Variants in TMTC1 observed in about 807,000 individuals in gnomAD.
TMTC1 encodes the protein transmembrane O-mannosyltransferase targeting cadherins 1, also known as protein O-mannosyl-transferase TMTC1.
A neutral mutation model predicts 104.8 loss-of-function variants in TMTC1; 73 were observed. The ratio of observed to expected loss-of-function variants is 0.70; its 90% CI spans 0.58 to 0.85. The LOEUF is 0.85. Ranked by LOEUF, TMTC1 falls within the 40% of genes least tolerant of loss-of-function variation. The pLI is 0.00. For missense variants in TMTC1, 1,035 were observed against 1,096.1 expected (o/e 0.94, Z 0.79); for synonymous variants, 434 against 428.7 (o/e 1.01, Z -0.15).
chr12:29,532,035 A>G (rs1490230057), intron 11 of TMTC1, among the ~76,000 whole-genome samples: 2 of 152,102 alleles, frequency 1.3e-5, no homozygotes, highest in African/African-American at 4.8e-5. Context: ...TGTACCATAT[A>G]TTTTTATGTA....
intron 5 of TMTC1, among the ~76,000 whole-genome samples, chr12:29,633,829 C>T (rs935058425): frequency 6.6e-6 from 1 of 152,182 alleles, no homozygotes; most frequent in African/African-American, 2.4e-5. Context: ...TCCTTGCTGA[C>T]AAGGACAGCC....
chr12:29,545,155 T>C (rs928371348), intron 10 of TMTC1, among the ~76,000 whole-genome samples: 1 of 152,150 alleles, frequency 6.6e-6, no homozygotes, highest in African/African-American at 2.4e-5. Context: ...GTTTTTTTTT[T>C]TCAGCAGAGG....
intron 9 of TMTC1, among the ~76,000 whole-genome samples, chr12:29,570,958 A>G (rs1945660308): frequency 6.6e-6 from 1 of 151,538 alleles, no homozygotes; most frequent in African/African-American, 2.4e-5. Context: ...ATATTAAGTA[A>G]CAGGTCCTAA....
At chr12:29,682,220 T>C (rs1006560897) in intron 5 of TMTC1, among the ~76,000 whole-genome samples, 13 of 152,140 alleles carry the variant, frequency 8.5e-5, no homozygotes, top group African/African-American at 2.2e-4. Flanking sequence ...AACCACCTAC[T>C]AGAACAGCTA....
At chr12:29,522,575 T>TGTGTGG (rs1555164140) in intron 11 of TMTC1, among the ~76,000 whole-genome samples, 4 of 151,574 alleles carry the variant, frequency 2.6e-5, no homozygotes, top group African/African-American at 9.7e-5. Flanking sequence ...TGTGTGTGTG[T>TGTGTGG]GTGTGTGTGT....
At chr12:29,639,152 T>A (rs558215847) in intron 5 of TMTC1, among the ~76,000 whole-genome samples, 1 of 152,334 alleles carries the variant, frequency 6.6e-6, no homozygotes, top group Admixed American at 6.5e-5. Flanking sequence ...AGCCTCTGCC[T>A]TCCACAACAG....
At chr12:29,746,272 C>G (rs1434343143) in intron 5 of TMTC1, among the ~76,000 whole-genome samples, 2 of 152,076 alleles carry the variant, frequency 1.3e-5, no homozygotes, top group Non-Finnish European at 2.9e-5. Context: ...AAAGCAGCAG[C>G]TGAATGAGAC....
At chr12:29,750,748 C>T (rs778802708) in intron 5 of TMTC1, among the ~76,000 whole-genome samples, 2 of 152,216 alleles carry the variant, frequency 1.3e-5, no homozygotes, top group African/African-American at 2.4e-5. Flanking sequence ...GCTAAGGTGA[C>T]TCTGGCACCC....
chr12:29,548,453 T>C (rs890351620), intron 10 of TMTC1, among the ~76,000 whole-genome samples: 1 of 152,066 alleles, frequency 6.6e-6, no homozygotes. Context: ...TGGGAAGTAA[T>C]TGGATCATGG....
chr12:29,550,622 C>A (rs193130021), intron 10 of TMTC1, among the ~76,000 whole-genome samples: 1 of 151,994 alleles, frequency 6.6e-6, no homozygotes, highest in Non-Finnish European at 1.5e-5. Context: ...ACAAAGTCTG[C>A]ATAATTAAAA....
intron 7 of TMTC1, among the ~76,000 whole-genome samples, chr12:29,597,069 T>C (rs1376154597): frequency 1.1e-4 from 16 of 152,182 alleles, no homozygotes; most frequent in Admixed American, 1.0e-3. Flanking sequence ...CTGCTGCCTC[T>C]CTTGGCAAGC....
At chr12:29,643,691 T>A (rs1052671803) in intron 5 of TMTC1, among the ~76,000 whole-genome samples, 6 of 2,210 alleles carry the variant, frequency 2.7e-3, no homozygotes, top group South Asian at 0.071. Flanking sequence ...ATTATATATA[T>A]TATATATATT....
At chr12:29,555,538 T>C (rs1258940988) in intron 10 of TMTC1, among the ~76,000 whole-genome samples, 2 of 152,078 alleles carry the variant, frequency 1.3e-5, no homozygotes, top group African/African-American at 4.8e-5. Flanking sequence ...TGTGTTCTCA[T>C]TGTTCAACTC....
chr12:29,669,778 G>C (rs1940434688), intron 5 of TMTC1, among the ~76,000 whole-genome samples: 1 of 152,200 alleles, frequency 6.6e-6, no homozygotes, highest in Non-Finnish European at 1.5e-5. Context: ...CCCTTTAGAA[G>C]AGGATACATA....
At chr12:29,681,092 C>T (rs1219961577) in intron 5 of TMTC1, among the ~76,000 whole-genome samples, 1 of 108,408 alleles carries the variant, frequency 9.2e-6, no homozygotes, top group Non-Finnish European at 1.8e-5. Context: ...GAGTAAGACC[C>T]TGTCTCCAAA....
In TMTC1 at chr12:29,674,809, C is replaced by T. The variant is rs74972815; in HGVS notation, c.939-41473G>A. The stretch of plus-strand genomic sequence containing the variant: ...GTGCCCACACCTCAAACATCACGCA[C>T]CCACCATGCCTCATGCCCACAGTGT... On this transcript the variant is annotated intron_variant, in intron 5 of 17. Transcript: ENST00000539277. Among the ~76,000 whole-genome samples, 96 of 152,314 alleles carry T rather than the reference C, an allele frequency of 6.3e-4. No individual in the cohort carries two copies. The East Asian group carries it at 0.011, about 17-fold the overall frequency.
chr12:29,698,339 G>A lies in TMTC1; in HGVS notation c.938+53327C>T, dbSNP rs184908856. Among the ~76,000 whole-genome samples the A allele has an allele frequency of 5.9e-5, 9 of 152,218 alleles. No homozygotes were observed. The East Asian group carries it at 1.5e-3, about 26-fold the overall frequency. ...TATATAACCATCCAGATCCCATTGGGTTAATGGGTGATCACTCCTCTGTGA... is the reference window on the plus strand; with the variant it reads ...TATATAACCATCCAGATCCCATTGGATTAATGGGTGATCACTCCTCTGTGA... On this transcript the variant is annotated intron_variant, in intron 5 of 17. Coordinates refer to ENST00000539277, the MANE Select transcript of TMTC1 (RefSeq NM_001193451.2).
chr12:29,604,848 C>T (rs950988460), intron 6 of TMTC1, among the ~76,000 whole-genome samples: 1 of 152,194 alleles, frequency 6.6e-6, no homozygotes, highest in Non-Finnish European at 1.5e-5. Flanking sequence ...CATACCTTCA[C>T]ACCTCTCAAA....
At chr12:29,544,169 G>C (rs1312853512) in intron 10 of TMTC1, among the ~76,000 whole-genome samples, 2 of 151,188 alleles carry the variant, frequency 1.3e-5, no homozygotes, top group Non-Finnish European at 2.9e-5. Flanking sequence ...CTTGAACCCA[G>C]AGGCAGAGGT....
Sources: gnomAD v4.1 joint callset for allele counts (sites outside exome capture counted in the v4.1 genomes callset) on GRCh38, gnomAD v4.1.1 for gene constraint, MANE v1.5 for transcripts, NCBI Gene and HGNC (gene_info 2026-07-23, HGNC 2026-07-21) for gene names.